The following KAZN variants were observed in gnomAD, a reference collection of about 807,000 sequenced individuals.
The protein encoded by KAZN is kazrin, periplakin interacting protein.
KAZN carries 40 observed loss-of-function variants against 87.4 expected under a neutral mutation model. That is an observed-to-expected ratio of 0.46 (90% CI 0.36 to 0.60). KAZN has a LOEUF of 0.60. Ranked by LOEUF, KAZN falls within the 20% of genes least tolerant of loss-of-function variation. The pLI, the probability that KAZN is intolerant of heterozygous loss-of-function variation, is 0.00. For synonymous variants in KAZN, 466 were observed against 458.3 expected, an observed-to-expected ratio of 1.02 and a Z score of -0.22; for missense variants, 898 against 1,073.9, an observed-to-expected ratio of 0.84 and a Z score of 2.29.
rs1651911621 is a variant in KAZN, at chr1:14,271,355, G to T, written c.249+90763G>T. On this transcript the variant is annotated intron_variant, in intron 2 of 16. Transcript: ENST00000636203. ...GAGGAACCCTCAGCGCATATCAGTC[G>T]CTTATACACTGTGAGGCTGTGAAGA... Among the ~76,000 whole-genome samples, 3 of 152,176 alleles carry T rather than the reference G, an allele frequency of 2.0e-5. 1 individual carries two copies. The South Asian group carries it at 6.2e-4, about 32-fold the overall frequency.
chr1:14,243,778 A>G (rs1301456856), intron 2 of KAZN, among the ~76,000 whole-genome samples: 1 of 152,194 alleles, frequency 6.6e-6, no homozygotes, highest in African/African-American at 2.4e-5. Flanking sequence ...CTGCACTGGA[A>G]CCAGAGGGGA....
At chr1:13,986,901 TC>T (rs1387899722) in intron 1 of KAZN, among the ~76,000 whole-genome samples, 1 of 152,214 alleles carries the variant, frequency 6.6e-6, no homozygotes, top group Admixed American at 6.5e-5. Context: ...CCTTGTGAGT[TC>T]ATGTCCTTCT....
chr1:15,083,466 C>G (rs1166945071), intron 8 of KAZN, among the ~76,000 whole-genome samples: 1 of 152,200 alleles, frequency 6.6e-6, no homozygotes, highest in East Asian at 1.9e-4. Context: ...CTTTCCATGC[C>G]ACCTGTCCCC....
chr1:14,156,190 G>T (rs1031148437), intron 1 of KAZN, among the ~76,000 whole-genome samples: 6 of 151,994 alleles, frequency 3.9e-5, no homozygotes, highest in African/African-American at 1.5e-4. Flanking sequence ...TTCCATTGTG[G>T]TCAGAGAAGA....
At chr1:13,893,100 C>G (rs1347723956) in exon 1 of KAZN, 1 of 151,926 alleles carries the variant, frequency 6.6e-6, no homozygotes, top group Admixed American at 6.6e-5. Context: ...GGCGCTCGCG[C>G]GGGGACGCGG....
intron 2 of KAZN, among the ~76,000 whole-genome samples, chr1:14,393,389 T>C (rs577845609): frequency 6.6e-6 from 1 of 152,290 alleles, no homozygotes; most frequent in South Asian, 2.1e-4. Context: ...AATAAAAGCA[T>C]AAAATAAAAA....
chr1:14,144,656 G>C lies in KAZN; in HGVS notation c.92-35779G>C, dbSNP rs1022205967. Among the ~76,000 whole-genome samples, 24 of 152,114 alleles carry C rather than the reference G, an allele frequency of 1.6e-4. 1 individual carries two copies. Among genetic ancestry groups the C allele is most frequent in the Admixed American group, 1.3e-4 (2 of 15,266 alleles). On this transcript the variant is annotated intron_variant, in intron 1 of 16. Coordinates refer to the KAZN transcript ENST00000636203. ...ACCAGGTAGTTTATAAAGAAAAGAG[G>C]TTACTTGGCTTATGATTCTGGTTGC...
In KAZN at chr1:14,095,311, A is replaced by G. The variant is rs576113553; in HGVS notation, c.92-85124A>G. On this transcript the variant is annotated intron_variant, in intron 1 of 16. Coordinates refer to the KAZN transcript ENST00000636203. Reference sequence around the variant, plus strand: ...AATCACCTGTTCTAGTTATTTAAATAGGTTTTCTTCTTACTTTATTCTTTC... The same window carrying G: ...AATCACCTGTTCTAGTTATTTAAATGGGTTTTCTTCTTACTTTATTCTTTC... 5.9e-5 allele frequency among the ~76,000 whole-genome samples: 9 copies of G among 152,320 alleles called. No individual in the cohort carries two copies. In the South Asian group the frequency reaches 1.9e-3, roughly 32 times the overall value.
At chr1:14,057,522 T>C (rs1167552448) in intron 1 of KAZN, among the ~76,000 whole-genome samples, 1 of 152,234 alleles carries the variant, frequency 6.6e-6, no homozygotes, top group Non-Finnish European at 1.5e-5. Flanking sequence ...TCACTTCATA[T>C]GTGGGCCAGT....
intron 2 of KAZN, among the ~76,000 whole-genome samples, chr1:14,548,067 A>T (rs1433800152): frequency 6.6e-6 from 1 of 152,168 alleles, no homozygotes. Context: ...CAAATTGCAA[A>T]AAAAGATTTC....
intron 2 of KAZN, among the ~76,000 whole-genome samples, chr1:14,322,545 G>C (rs1338344571): frequency 1.3e-5 from 2 of 152,180 alleles, no homozygotes; most frequent in Non-Finnish European, 2.9e-5. Context: ...AAGTTTTATA[G>C]AAATGTGACA....
chr1:14,589,307 C>A, intron 2 of KAZN, among the ~76,000 whole-genome samples: 1 of 145,330 alleles, frequency 6.9e-6, no homozygotes, highest in East Asian at 2.0e-4. Flanking sequence ...TGCTTTACAC[C>A]TCCTCAGCAT....
At chr1:14,427,315 T>C (rs1286448627) in intron 2 of KAZN, among the ~76,000 whole-genome samples, 2 of 152,212 alleles carry the variant, frequency 1.3e-5, no homozygotes, top group Non-Finnish European at 2.9e-5. Flanking sequence ...TTTTCTCATC[T>C]GTAAACTGGG....
chr1:14,986,519 G>A (rs1666838407), intron 2 of KAZN, among the ~76,000 whole-genome samples: 1 of 152,188 alleles, frequency 6.6e-6, no homozygotes, highest in South Asian at 2.1e-4. Context: ...CTTGGTTGGT[G>A]CTTTCCAAGC....
chr1:14,550,739 C>CTCTCTCTCTCTCTCTCTCTCT (rs1480745409), intron 2 of KAZN, among the ~76,000 whole-genome samples: 2 of 69,966 alleles, frequency 2.9e-5, no homozygotes, highest in African/African-American at 8.9e-5. Context: ...CTCTCTCTCT[C>CTCTCTCTCTCTCTCTCTCTCT]CCCCACCCCG....
intron 1 of KAZN, among the ~76,000 whole-genome samples, chr1:14,913,340 A>G (rs34410695): frequency 0.14 from 21,661 of 152,202 alleles, 1,805 homozygotes; most frequent in South Asian, 0.32. Flanking sequence ...CGCCTTTCGC[A>G]TTTATCCAAA....
At chr1:14,430,647 C>T (rs780890522) in intron 2 of KAZN, among the ~76,000 whole-genome samples, 34 of 152,160 alleles carry the variant, frequency 2.2e-4, no homozygotes, top group Non-Finnish European at 3.8e-4. Flanking sequence ...GTTGAGAAGA[C>T]ACACAAGCCA....
At chr1:14,565,541 C>G (rs1371167805) in intron 2 of KAZN, among the ~76,000 whole-genome samples, 1 of 152,160 alleles carries the variant, frequency 6.6e-6, no homozygotes, top group Non-Finnish European at 1.5e-5. Flanking sequence ...AACAATGAAG[C>G]TTGACACATT....
chr1:14,540,014 G>C (rs915970533), intron 2 of KAZN, among the ~76,000 whole-genome samples: 2 of 152,206 alleles, frequency 1.3e-5, no homozygotes, highest in Non-Finnish European at 2.9e-5. Context: ...TTTCTAAGTA[G>C]AATTCTCTGT....
Sources: gnomAD v4.1 joint callset for allele counts (sites outside exome capture counted in the v4.1 genomes callset) on GRCh38, gnomAD v4.1.1 for gene constraint, MANE v1.5 for transcripts, NCBI Gene and HGNC (gene_info 2026-07-23, HGNC 2026-07-21) for gene names.